L3HYPDH: variants seen among roughly 807,000 people sequenced by gnomAD.
L3HYPDH encodes the protein trans-3-hydroxy-L-proline dehydratase.
A neutral mutation model predicts 26.5 loss-of-function variants in L3HYPDH; 32 were observed. The ratio of observed to expected loss-of-function variants is 1.21; its 90% CI spans 0.91 to 1.62. The LOEUF is 1.62. L3HYPDH is among the 40% of genes most tolerant of loss of function. L3HYPDH has a pLI of 0.00. For missense variants in L3HYPDH, 554 were observed against 476.4 expected (o/e 1.16, Z -1.52); for synonymous variants, 215 against 196.6 (o/e 1.09, Z -0.78).
the L3HYPDH span, among the ~76,000 whole-genome samples, chr14:59,496,050 TG>T: frequency 2.0e-5 from 3 of 152,250 alleles, no homozygotes; most frequent in Admixed American, 6.5e-5. Flanking sequence ...ATTACAGGCA[TG>T]TGCCACTATG....
the L3HYPDH span, among the ~76,000 whole-genome samples, chr14:59,492,577 G>T: frequency 3.9e-5 from 6 of 152,278 alleles, no homozygotes; most frequent in East Asian, 1.2e-3. Flanking sequence ...GTTCTCCCCA[G>T]TCGAGATATA....
upstream of L3HYPDH, chr14:59,485,168 C>G (rs1890437674): frequency 1.4e-5 from 22 of 1,577,886 alleles, no homozygotes; most frequent in Non-Finnish European, 1.8e-5. Flanking sequence ...GGTTTTCAGG[C>G]CTTGGATTTT....
At chr14:59,497,654 G>A in the L3HYPDH span, among the ~76,000 whole-genome samples, 1 of 152,116 alleles carries the variant, frequency 6.6e-6, no homozygotes, top group Non-Finnish European at 1.5e-5. Context: ...GAGCTCTTAA[G>A]GAACTACAAG....
At chr14:59,497,161 A>T in the L3HYPDH span, among the ~76,000 whole-genome samples, 29 of 152,300 alleles carry the variant, frequency 1.9e-4, no homozygotes, top group East Asian at 5.6e-3. Flanking sequence ...TGATAATTAT[A>T]GTTTTAAGGG....
rs1890264902 is a variant in L3HYPDH at position 59,483,925 on chromosome 14, G to A, written c.392C>T (p.Ala131Val). Reference protein sequence around the residue: ...VPAPPAGTREARVNIHCPCGL... With the variant: ...VPAPPAGTREVRVNIHCPCGL... ...GCAGGGGCAGTGGATATTGACGCGG[G>A]CCTCGCGGGTGCCCGCAGGGGGCGC... Residue 131 changes from alanine (A) to valine (V), a missense_variant, in exon 1 of 5, where the codon GCC becomes GTC. Transcript: ENST00000247194. 6.4e-7 allele frequency: 1 copy of A among 1,555,350 alleles called. No homozygotes were observed. Among genetic ancestry groups the A allele is most frequent in the Non-Finnish European group, 8.6e-7 (1 of 1,156,106 alleles).
chr14:59,498,756 T>C, the L3HYPDH span: 2 of 1,585,380 alleles, frequency 1.3e-6, no homozygotes, highest in Non-Finnish European at 8.6e-7. Context: ...TATTACGCAT[T>C]CTGCTTGGTA....
In L3HYPDH at chr14:59,484,018, T is replaced by C. The variant is rs745647892; in HGVS notation, c.299A>G (p.Tyr100Cys). The change falls in exon 1 of 5, where the codon TAC becomes TGC. Residue 100 changes from tyrosine to cysteine, a missense_variant. Physicochemically the swap from Tyr to Cys is radical, Grantham distance 194 (BLOSUM62 -2). Coordinates refer to ENST00000247194, the MANE Select transcript of L3HYPDH (RefSeq NM_144581.2). ...CACTGCGTGGCCGCACATGGAGCTG[T>C]AGCCCTCGTTGTGCAGGAACAGGAC... ...LGVLFLHNEGYSSMCGHAVLA... is the reference protein window; with the variant it reads ...LGVLFLHNEGCSSMCGHAVLA... 1.9e-5 allele frequency: 31 copies of C among 1,603,064 alleles called. No homozygotes were observed. The highest frequency in any genetic ancestry group is 4.5e-5 in the East Asian group (2 of 44,672).
chr14:59,485,740 C>A (rs1227901233), upstream of L3HYPDH: 1 of 152,546 alleles, frequency 6.6e-6, no homozygotes, highest in Non-Finnish European at 1.5e-5. Flanking sequence ...GCCTCAGCCT[C>A]CCCAGTAGCT....
chr14:59,503,552 A>G, the L3HYPDH span, among the ~76,000 whole-genome samples: 15 of 152,264 alleles, frequency 9.9e-5, no homozygotes, highest in East Asian at 2.9e-3. Flanking sequence ...CGTATCTTTG[A>G]GAAGAAACTA....
At chr14:59,488,209 C>T (rs1467523066), upstream of L3HYPDH, among the ~76,000 whole-genome samples, 1 of 151,520 alleles carries the variant, frequency 6.6e-6, no homozygotes, top group East Asian at 1.9e-4. Flanking sequence ...ATAGCTGTAA[C>T]CTAATACAAA....
At chr14:59,484,724 C>A, upstream of L3HYPDH, 2 of 1,196,414 alleles carry the variant, frequency 1.7e-6, no homozygotes, top group Non-Finnish European at 2.4e-6. Flanking sequence ...TGACCCCGCC[C>A]GCCCTCGGGC....
intron 4 of L3HYPDH, 75 bp from the exon 5 acceptor site, chr14:59,473,165 G>T: frequency 1.5e-6 from 2 of 1,373,604 alleles, no homozygotes; most frequent in South Asian, 3.1e-5. Flanking sequence ...CTGTACTCTT[G>T]ACTTTTATCA....
At chr14:59,470,900 C>T (rs1889290729), downstream of L3HYPDH, among the ~76,000 whole-genome samples, 1 of 130,334 alleles carries the variant, frequency 7.7e-6, no homozygotes, top group African/African-American at 3.0e-5. Context: ...ATTTTGTTTA[C>T]AATTAGCACA....
chr14:59,483,952 G>A lies in L3HYPDH; in HGVS notation c.365C>T (p.Pro122Leu), dbSNP rs1384290758. ...GRFALDFGLV[P>L]APPAGTREAR... ...CTCGCGGGTGCCCGCAGGGGGCGCC[G>A]GCACAAGCCCGAAGTCCAAAGCGAA... Residue 122 changes from proline (P) to leucine (L), a missense_variant, in exon 1 of 5, where the codon CCG (proline) becomes CTG (leucine). By Grantham distance (98) the Pro-to-Leu change is moderately conservative (BLOSUM62 -3). Transcript: ENST00000247194. 3 of 1,560,112 alleles carry A rather than the reference G, an allele frequency of 1.9e-6. No individual in the cohort carries two copies. Among genetic ancestry groups the A allele is most frequent in the African/African-American group, 1.4e-5 (1 of 73,684 alleles).
At chr14:59,489,009 A>C (rs959818380), upstream of L3HYPDH, among the ~76,000 whole-genome samples, 2 of 152,258 alleles carry the variant, frequency 1.3e-5, no homozygotes, top group African/African-American at 2.4e-5. Flanking sequence ...GACTTCTGAA[A>C]TGCCTTCAAG....
chr14:59,482,146 A>G (rs1456380658), intron 1 of L3HYPDH, among the ~76,000 whole-genome samples: 2 of 152,176 alleles, frequency 1.3e-5, no homozygotes, highest in Non-Finnish European at 2.9e-5. Context: ...TGAACTCAGC[A>G]ACCCTCTGAG....
Position 59,483,947 on chromosome 14 carries a change from G to T in L3HYPDH, c.370C>A (p.Pro124Thr). Reference sequence around the variant, plus strand: ...CGGGCCTCGCGGGTGCCCGCAGGGGGCGCCGGCACAAGCCCGAAGTCCAAA... The same window carrying T: ...CGGGCCTCGCGGGTGCCCGCAGGGGTCGCCGGCACAAGCCCGAAGTCCAAA... ...FALDFGLVPA[P>T]PAGTREARVN... The change falls in exon 1 of 5, where the codon CCC becomes ACC. Residue 124 changes from proline to threonine, a missense_variant. Transcript: ENST00000247194. The T allele has an allele frequency of 3.9e-6, 6 of 1,558,286 alleles. No individual in the cohort carries two copies. Among genetic ancestry groups the T allele is most frequent in the Non-Finnish European group, 5.2e-6 (6 of 1,157,670 alleles).
At chr14:59,478,985 G>C in intron 2 of L3HYPDH, 197 bp downstream of exon 2, 1 of 437,160 alleles carries the variant, frequency 2.3e-6, no homozygotes, top group Non-Finnish European at 3.9e-6. Context: ...CACATTCAAA[G>C]CCATCCTGGG....
At chr14:59,467,305 A>G (rs1201272523) in intron 1 of L3HYPDH, among the ~76,000 whole-genome samples, 1 of 152,204 alleles carries the variant, frequency 6.6e-6, no homozygotes, top group Non-Finnish European at 1.5e-5. Context: ...AGGATATTGG[A>G]GATGGGGAGT....
Sources: allele counts gnomAD v4.1 joint callset (sites outside exome capture counted in the v4.1 genomes callset), GRCh38; gene constraint gnomAD v4.1.1; transcripts MANE v1.5; gene names NCBI Gene and HGNC (gene_info 2026-07-23, HGNC 2026-07-21).